SRFBP1: variants seen among roughly 807,000 people sequenced by gnomAD.
SRFBP1 encodes the protein serum response factor binding protein 1.
SRFBP1 carries 47 observed loss-of-function variants against 45.5 expected under a neutral mutation model. The ratio of observed to expected loss-of-function variants is 1.03; its 90% CI spans 0.82 to 1.32. The LOEUF is 1.32. SRFBP1 is among the 40% of genes most tolerant of loss of function. SRFBP1 has a pLI of 0.00. For synonymous variants in SRFBP1, 203 were observed against 166.3 expected (o/e 1.22, Z -1.70); for missense variants, 621 against 484.6 (o/e 1.28, Z -2.64).
At chr5:121,999,321 T>G (rs1752805826) in intron 4 of SRFBP1, among the ~76,000 whole-genome samples, 1 of 152,182 alleles carries the variant, frequency 6.6e-6, no homozygotes, top group African/African-American at 2.4e-5. Context: ...TCCTTTATGA[T>G]CCATGAACAT....
At chr5:121,993,922 C>T (rs529470628) in intron 3 of SRFBP1, among the ~76,000 whole-genome samples, 3 of 151,574 alleles carry the variant, frequency 2.0e-5, no homozygotes, top group East Asian at 1.9e-4. Context: ...TCATTGTGAC[C>T]GGAGATTGTT....
At chr5:121,981,583 A>G (rs1257278452) in intron 3 of SRFBP1, among the ~76,000 whole-genome samples, 2 of 149,072 alleles carry the variant, frequency 1.3e-5, no homozygotes, top group African/African-American at 4.9e-5. Flanking sequence ...TAACCAGCTA[A>G]ACTGAATCCC....
chr5:122,057,470 TG>T (rs1754102292), intron 2 of SRFBP1, among the ~76,000 whole-genome samples: 2 of 151,042 alleles, frequency 1.3e-5, no homozygotes, highest in Non-Finnish European at 3.0e-5. Flanking sequence ...TGTGTGTGTG[TG>T]TGTGTGTGTG....
intron 2 of SRFBP1, among the ~76,000 whole-genome samples, chr5:122,037,190 G>T (rs1753707505): frequency 6.6e-6 from 1 of 152,178 alleles, no homozygotes; most frequent in Non-Finnish European, 1.5e-5. Context: ...GAGCCACTGT[G>T]CCCAGCCTCC....
chr5:122,020,134 TGA>T lies in SRFBP1; in HGVS notation c.401_402del (p.Glu134ValfsTer12). 1.9e-6 allele frequency: 3 copies of T among 1,589,990 alleles called. No individual in the cohort carries two copies. The highest frequency in any genetic ancestry group is 2.6e-6 in the Non-Finnish European group (3 of 1,171,212). ...AAGCAAGACAAAATGTTGCTGAAGT[TGA>T]GTCATCAAAGAATGCTTCAGAGGAC... is the stretch of plus-strand genomic sequence containing the variant. ...KEARQNVAEV[E>X]SSKNASEDNH... On this transcript the variant is annotated frameshift_variant, in exon 6 of 8. Coordinates refer to ENST00000339397, the MANE Select transcript of SRFBP1 (RefSeq NM_152546.3). LOFTEE classifies it high-confidence loss of function.
At chr5:121,999,174 ATTTTC>A (rs773554600) in intron 4 of SRFBP1, among the ~76,000 whole-genome samples, 2 of 152,006 alleles carry the variant, frequency 1.3e-5, no homozygotes, top group African/African-American at 4.8e-5. Context: ...GTTATGCTGT[ATTTTC>A]TTTTCTTAGT....
chr5:122,024,480 G>A (rs745584093), intron 7 of SRFBP1, among the ~76,000 whole-genome samples: 7 of 152,070 alleles, frequency 4.6e-5, no homozygotes, highest in Non-Finnish European at 7.4e-5. Flanking sequence ...ATTCTGTCTT[G>A]TGCCTCTTGC....
intron 1 of SRFBP1, among the ~76,000 whole-genome samples, chr5:121,969,985 G>A (rs889127483): frequency 3.3e-5 from 5 of 151,938 alleles, no homozygotes; most frequent in Non-Finnish European, 7.4e-5. Context: ...CTTGCTTTTG[G>A]TTAGAGTTTT....
chr5:122,021,326 G>A (rs1268835538), intron 6 of SRFBP1, among the ~76,000 whole-genome samples: 2 of 152,068 alleles, frequency 1.3e-5, no homozygotes, highest in Non-Finnish European at 2.9e-5. Context: ...TTTCATAGCT[G>A]TTCTGTTATA....
chr5:122,041,087 C>T (rs913927112), intron 2 of SRFBP1, among the ~76,000 whole-genome samples: 1 of 152,098 alleles, frequency 6.6e-6, no homozygotes, highest in Non-Finnish European at 1.5e-5. Context: ...ATAAGTTTTT[C>T]AGTTTATCAA....
intron 4 of SRFBP1, among the ~76,000 whole-genome samples, chr5:122,002,746 GAT>G (rs1353250834): frequency 2.6e-5 from 4 of 152,300 alleles, no homozygotes; most frequent in African/African-American, 9.6e-5. Context: ...AATTATGTGA[GAT>G]GTGAGAAATT....
chr5:122,018,300 A>G (rs979274289), intron 4 of SRFBP1, among the ~76,000 whole-genome samples: 136 of 152,224 alleles, frequency 8.9e-4, no homozygotes, highest in African/African-American at 2.8e-3. Context: ...GTGACCAGGC[A>G]TAAGTTTAAT....
intron 1 of SRFBP1, among the ~76,000 whole-genome samples, chr5:121,965,641 C>G (rs1752047446): frequency 6.6e-6 from 1 of 151,870 alleles, no homozygotes. Flanking sequence ...CCAGCTTTGT[C>G]CCTTTTACTT....
chr5:122,046,154 G>A (rs555642193), intron 2 of SRFBP1, among the ~76,000 whole-genome samples: 193 of 152,016 alleles, frequency 1.3e-3, no homozygotes, highest in African/African-American at 4.3e-3. Flanking sequence ...CCATTAACTC[G>A]TTATTTAATA....
chr5:121,990,548 G>C (rs1381977305), intron 3 of SRFBP1, among the ~76,000 whole-genome samples: 1 of 152,010 alleles, frequency 6.6e-6, no homozygotes, highest in Non-Finnish European at 1.5e-5. Context: ...TAACAAATCT[G>C]TACATGTACC....
chr5:122,060,675 C>T (rs766488392), intron 2 of SRFBP1, among the ~76,000 whole-genome samples: 3 of 152,168 alleles, frequency 2.0e-5, no homozygotes, highest in Middle Eastern at 3.4e-3. Context: ...ATATGTAACC[C>T]GGTCTGCAGG....
At chr5:121,991,234 T>C (rs1052346798) in intron 3 of SRFBP1, among the ~76,000 whole-genome samples, 1 of 152,188 alleles carries the variant, frequency 6.6e-6, no homozygotes, top group Non-Finnish European at 1.5e-5. Context: ...CAATTTGATA[T>C]GTAATTTATA....
intron 2 of SRFBP1, among the ~76,000 whole-genome samples, chr5:122,034,276 C>T (rs143160179): frequency 1.3e-5 from 2 of 152,100 alleles, no homozygotes; most frequent in African/African-American, 4.8e-5. Flanking sequence ...GCTGTCAACC[C>T]TGCCAGATTA....
rs1406934256 is a variant in SRFBP1, at chr5:122,020,619, A to G, written c.884A>G (p.Lys295Arg). ...ATTGGGAAAGTCAGACGGACACGAAAGAAGGAAAGTAGTTGTCATTCTTCA... is the reference window on the plus strand; with the variant it reads ...ATTGGGAAAGTCAGACGGACACGAAGGAAGGAAAGTAGTTGTCATTCTTCA... ...FFIGKVRRTR[K>R]KESSCHSSVK... Residue 295 changes from lysine (K) to arginine (R), a missense_variant, in exon 6 of 8, where the codon AAG (lysine) becomes AGG (arginine). Coordinates refer to ENST00000339397, the MANE Select transcript of SRFBP1 (RefSeq NM_152546.3). 3 of 1,613,786 alleles carry G rather than the reference A, an allele frequency of 1.9e-6. No homozygotes were observed. The highest frequency in any genetic ancestry group is 1.3e-5 in the African/African-American group (1 of 74,914).
Sources: allele counts gnomAD v4.1 joint callset (sites outside exome capture counted in the v4.1 genomes callset), GRCh38; gene constraint gnomAD v4.1.1; transcripts MANE v1.5; gene names NCBI Gene and HGNC (gene_info 2026-07-23, HGNC 2026-07-21).